TDRP: variants seen among roughly 807,000 people sequenced by gnomAD.
The protein encoded by TDRP is testis development-related protein.
Under a neutral mutation model 10.5 loss-of-function variants are expected in TDRP, and 12 were observed. The observed-to-expected ratio is 1.15, with a 90% CI of 0.73 to 1.86. The LOEUF is 1.86. Ranked by LOEUF, TDRP falls within the 40% of genes most tolerant of loss-of-function variation. TDRP has a pLI of 0.00. For synonymous variants in TDRP, 139 were observed against 95.4 expected (o/e 1.46, Z -2.67); for missense variants, 353 against 229.2 (o/e 1.54, Z -3.49).
At chr8:519,431 G>A (rs1305373056) in intron 1 of TDRP, among the ~76,000 whole-genome samples, 4 of 152,112 alleles carry the variant, frequency 2.6e-5, no homozygotes, top group Non-Finnish European at 4.4e-5. Flanking sequence ...AGGGTAGCAT[G>A]GATACCTATG....
Position 542,935 on chromosome 8 carries a change from C to G in TDRP, c.108+1715G>C, listed in dbSNP as rs1284419050. Among the ~76,000 whole-genome samples the G allele has an allele frequency of 7.2e-5, 11 of 151,976 alleles. No individual in the cohort carries two copies. In the East Asian group the frequency reaches 2.1e-3, roughly 30 times the overall value. ...AAAGGAGCTTTAACGAAGGCACTGC[C>G]AGCAATTGAATCTAGCTGGAGGATA... is the stretch of plus-strand genomic sequence containing the variant. On this transcript the variant is annotated intron_variant, in intron 1 of 2. Coordinates refer to ENST00000324079, the MANE Select transcript of TDRP (RefSeq NM_001384899.1).
rs376300303 is a variant in TDRP at position 513,000 on chromosome 8, T to G, written c.109-18403A>C. ...AAAAAAAAAAACAAGGTGGAGAAAT[T>G]GAATTAGTAATCAAAAGGCTACCCA... On this transcript the variant is annotated intron_variant, in intron 1 of 2. Coordinates refer to ENST00000324079, the MANE Select transcript of TDRP (RefSeq NM_001384899.1). Among the ~76,000 whole-genome samples the G allele has an allele frequency of 3.7e-4, 56 of 150,920 alleles. No individual in the cohort carries two copies. The South Asian group carries it at 0.011, about 30-fold the overall frequency.
intron 2 of TDRP, among the ~76,000 whole-genome samples, chr8:493,483 G>A (rs1563114713): frequency 1.3e-5 from 2 of 152,256 alleles, no homozygotes; most frequent in Non-Finnish European, 2.9e-5. Context: ...GCACAGAAGT[G>A]CAGAGAAGCA....
At chr8:513,169 T>C (rs935899959) in intron 1 of TDRP, among the ~76,000 whole-genome samples, 3 of 150,724 alleles carry the variant, frequency 2.0e-5, no homozygotes, top group Admixed American at 6.6e-5. Context: ...GAGGGCACTA[T>C]TATACTGATA....
intron 1 of TDRP, among the ~76,000 whole-genome samples, chr8:495,210 G>A (rs991465782): frequency 6.6e-6 from 1 of 152,060 alleles, no homozygotes; most frequent in Non-Finnish European, 1.5e-5. Flanking sequence ...CTCCAGGCTG[G>A]GCAACAGAGC....
At chr8:544,044 G>C (rs978659284) in intron 1 of TDRP, among the ~76,000 whole-genome samples, 3 of 152,108 alleles carry the variant, frequency 2.0e-5, no homozygotes, top group African/African-American at 7.2e-5. Context: ...TCAGGTAAAG[G>C]CCTTTCAGTT....
At chr8:498,551 T>C (rs112016988) in intron 1 of TDRP, among the ~76,000 whole-genome samples, 9 of 152,312 alleles carry the variant, frequency 5.9e-5, no homozygotes, top group African/African-American at 2.2e-4. Context: ...TACCTTGTCT[T>C]AGATGAGACT....
chr8:511,018 G>A (rs181551215), intron 1 of TDRP, among the ~76,000 whole-genome samples: 1 of 152,236 alleles, frequency 6.6e-6, no homozygotes, highest in Admixed American at 6.5e-5. Flanking sequence ...GATAATAAAT[G>A]AAAATGTTGA....
intron 1 of TDRP, among the ~76,000 whole-genome samples, chr8:540,753 G>T (rs1427905939): frequency 7.1e-6 from 1 of 140,522 alleles, no homozygotes; most frequent in African/African-American, 2.6e-5. Context: ...AAGTAATTTT[G>T]AATGCTTCAC....
intron 1 of TDRP, among the ~76,000 whole-genome samples, chr8:525,689 G>A (rs560121319): frequency 5.3e-5 from 8 of 151,884 alleles, no homozygotes; most frequent in South Asian, 2.1e-4. Context: ...AACATACAAT[G>A]GATACACAAA....
intron 1 of TDRP, among the ~76,000 whole-genome samples, chr8:520,330 A>G (rs1034251350): frequency 1.3e-5 from 2 of 152,154 alleles, no homozygotes; most frequent in Non-Finnish European, 2.9e-5. Context: ...CATATGTACT[A>G]TATTTTCCTT....
intron 1 of TDRP, among the ~76,000 whole-genome samples, chr8:495,217 G>C (rs376003623): frequency 2.0e-5 from 3 of 152,158 alleles, no homozygotes; most frequent in Non-Finnish European, 4.4e-5. Flanking sequence ...CTGGGCAACA[G>C]AGCAAGACCC....
At chr8:522,821 A>T (rs916943764) in intron 1 of TDRP, among the ~76,000 whole-genome samples, 1 of 152,186 alleles carries the variant, frequency 6.6e-6, no homozygotes, top group East Asian at 1.9e-4. Flanking sequence ...TTTATCCGAT[A>T]TAAGTAGGCC....
chr8:531,890 A>C (rs561469256), intron 1 of TDRP, among the ~76,000 whole-genome samples: 1 of 152,312 alleles, frequency 6.6e-6, no homozygotes, highest in Admixed American at 6.5e-5. Flanking sequence ...TTTATGGTTT[A>C]AGAAATTGGA....
At chr8:508,664 T>C (rs1801531199) in intron 1 of TDRP, among the ~76,000 whole-genome samples, 1 of 152,102 alleles carries the variant, frequency 6.6e-6, no homozygotes, top group African/African-American at 2.4e-5. Flanking sequence ...CAAGATGAGA[T>C]TTGGGTGGGG....
intron 1 of TDRP, among the ~76,000 whole-genome samples, chr8:497,722 C>A (rs937186810): frequency 6.6e-6 from 1 of 152,146 alleles, no homozygotes; most frequent in Admixed American, 6.5e-5. Context: ...ATTTCAGAGA[C>A]CTTCATGGCA....
intron 1 of TDRP, among the ~76,000 whole-genome samples, chr8:517,236 C>A (rs554996097): frequency 6.6e-6 from 1 of 152,212 alleles, no homozygotes; most frequent in Admixed American, 6.5e-5. Flanking sequence ...TGACAGCAGG[C>A]CCTAAAGGAA....
At chr8:539,949 T>G (rs2116879625) in intron 1 of TDRP, among the ~76,000 whole-genome samples, 1 of 152,358 alleles carries the variant, frequency 6.6e-6, no homozygotes, top group South Asian at 2.1e-4. Flanking sequence ...ACAGAATATG[T>G]CTAAGCTTTT....
chr8:532,643 A>G (rs1802237783), intron 1 of TDRP, among the ~76,000 whole-genome samples: 1 of 152,240 alleles, frequency 6.6e-6, no homozygotes, highest in Admixed American at 6.5e-5. Flanking sequence ...AGTCAGCTTC[A>G]TGACTATGCT....
Sources: allele counts gnomAD v4.1 joint callset (sites outside exome capture counted in the v4.1 genomes callset), GRCh38; gene constraint gnomAD v4.1.1; transcripts MANE v1.5; gene names NCBI Gene and HGNC (gene_info 2026-07-23, HGNC 2026-07-21).